The following GLRA3 variants were observed in gnomAD, a reference collection of about 807,000 sequenced individuals.
GLRA3 encodes the protein glycine receptor subunit alpha-3.
GLRA3 carries 44 observed loss-of-function variants against 60.4 expected under a neutral mutation model. The observed-to-expected ratio is 0.73, with a 90% CI of 0.57 to 0.94. GLRA3 has a LOEUF of 0.94. GLRA3 is among the 40% of genes least tolerant of loss of function. The pLI is 0.00. For synonymous variants in GLRA3, 223 were observed against 192.9 expected (o/e 1.16, Z -1.29); for missense variants, 508 against 564.6 (o/e 0.90, Z 1.02).
chr4:174,733,714 C>G (rs1368548862), intron 3 of GLRA3, among the ~76,000 whole-genome samples: 1 of 152,186 alleles, frequency 6.6e-6, no homozygotes, highest in Non-Finnish European at 1.5e-5. Context: ...AAGGCTGTGG[C>G]TTAAACTTTC....
rs887188705 is a variant in GLRA3, at chr4:174,637,499, A to G, written c.*6287T>C. On this transcript the variant is annotated 3_prime_UTR_variant, in exon 10 of 10. Transcript: ENST00000274093. ...AATTATTCAAGCATATTCAAGTACAATTTTACATCTGAATCCTTTCCTGCC... is the reference window on the plus strand; with the variant it reads ...AATTATTCAAGCATATTCAAGTACAGTTTTACATCTGAATCCTTTCCTGCC... 1.3e-5 allele frequency: 2 copies of G among 152,192 alleles called. No homozygotes were observed. The highest frequency in any genetic ancestry group is 4.8e-5 in the African/African-American group (2 of 41,456). 9.4% of individuals were successfully genotyped at this position (152,192 alleles called of 1,614,324 possible). A position where few individuals can be genotyped will look rare whatever the true frequency, so the allele number is the denominator to read the frequency against.
chr4:174,760,692 G>GT (rs1023891398), intron 3 of GLRA3, among the ~76,000 whole-genome samples: 58 of 152,156 alleles, frequency 3.8e-4, no homozygotes, highest in African/African-American at 1.3e-3. Context: ...GCTAATTCTT[G>GT]TTTTTTTAGT....
chr4:174,745,134 T>C (rs1177880993), intron 3 of GLRA3, among the ~76,000 whole-genome samples: 1 of 152,188 alleles, frequency 6.6e-6, no homozygotes, highest in Admixed American at 6.5e-5. Flanking sequence ...ACAAAATCTT[T>C]ATGATATGTG....
chr4:174,786,142 G>A (rs1739121938), intron 2 of GLRA3, among the ~76,000 whole-genome samples: 1 of 151,598 alleles, frequency 6.6e-6, no homozygotes, highest in Non-Finnish European at 1.5e-5. Context: ...CTCTAAACTT[G>A]CTTACTATTA....
chr4:174,658,913 G>T, intron 8 of GLRA3, 141 bp downstream of exon 8: 1 of 685,474 alleles, frequency 1.5e-6, no homozygotes. Context: ...CTTTTAGTTT[G>T]GATTGGAAAA....
At chr4:174,651,614 G>C (rs1225738952) in intron 9 of GLRA3, among the ~76,000 whole-genome samples, 1 of 151,958 alleles carries the variant, frequency 6.6e-6, no homozygotes, top group Non-Finnish European at 1.5e-5. Context: ...TGTAAAATAG[G>C]CCTACCCAGT....
chr4:174,739,923 C>T (rs1736948330), intron 3 of GLRA3, among the ~76,000 whole-genome samples: 1 of 152,160 alleles, frequency 6.6e-6, no homozygotes, highest in Non-Finnish European at 1.5e-5. Context: ...CCAGTGACTA[C>T]AATGTACTTC....
At chr4:174,711,341 T>G (rs1017498535) in intron 5 of GLRA3, among the ~76,000 whole-genome samples, 1 of 151,460 alleles carries the variant, frequency 6.6e-6, no homozygotes, top group African/African-American at 2.4e-5. Flanking sequence ...TCCAGTAAAT[T>G]GTTGATTTAT....
intron 5 of GLRA3, among the ~76,000 whole-genome samples, chr4:174,690,103 C>A (rs570316487): frequency 7.8e-4 from 118 of 152,246 alleles, no homozygotes; most frequent in African/African-American, 2.6e-3. Context: ...ATGCAGAAGA[C>A]AAATACCGCA....
intron 4 of GLRA3, among the ~76,000 whole-genome samples, chr4:174,725,014 C>T (rs1395017841): frequency 6.6e-6 from 1 of 152,222 alleles, no homozygotes; most frequent in Non-Finnish European, 1.5e-5. Flanking sequence ...TGTTTGGGAA[C>T]TCAACTTCTT....
chr4:174,737,513 T>A (rs574366577), intron 3 of GLRA3, among the ~76,000 whole-genome samples: 2 of 129,082 alleles, frequency 1.5e-5, no homozygotes, highest in East Asian at 2.1e-4. Flanking sequence ...TTTTTTGTGG[T>A]TTTTTGTTGT....
At chr4:174,734,758 A>T (rs1414802132) in intron 3 of GLRA3, among the ~76,000 whole-genome samples, 2 of 152,212 alleles carry the variant, frequency 1.3e-5, no homozygotes, top group African/African-American at 4.8e-5. Flanking sequence ...TTGAAAATTA[A>T]AATACTAGCA....
chr4:174,790,390 T>TAAA (rs369596370), intron 1 of GLRA3, among the ~76,000 whole-genome samples: 8 of 151,814 alleles, frequency 5.3e-5, no homozygotes, highest in East Asian at 3.9e-4. Flanking sequence ...TATATTTTTT[T>TAAA]AAAAAAACCT....
chr4:174,805,257 T>G (rs1030991495), intron 1 of GLRA3, among the ~76,000 whole-genome samples: 23 of 152,068 alleles, frequency 1.5e-4, no homozygotes, highest in African/African-American at 5.3e-4. Context: ...TTTTCTCAAA[T>G]TTTTTTGCAC....
At chr4:174,815,549 C>T (rs1440002328) in intron 1 of GLRA3, among the ~76,000 whole-genome samples, 1 of 152,206 alleles carries the variant, frequency 6.6e-6, no homozygotes, top group Non-Finnish European at 1.5e-5. Flanking sequence ...TCCATACATC[C>T]TCTGAAATCT....
intron 8 of GLRA3, among the ~76,000 whole-genome samples, chr4:174,658,009 G>A (rs1338771616): frequency 2.6e-5 from 4 of 152,100 alleles, no homozygotes; most frequent in Non-Finnish European, 5.9e-5. Flanking sequence ...GTAGATTCAA[G>A]CACTGAGAGG....
intron 4 of GLRA3, among the ~76,000 whole-genome samples, chr4:174,716,145 A>G (rs1340538118): frequency 6.6e-6 from 1 of 152,200 alleles, no homozygotes; most frequent in Non-Finnish European, 1.5e-5. Context: ...GTCAGTGAAC[A>G]TTCAGCAGTG....
At chr4:174,711,362 T>A (rs1194998070) in intron 5 of GLRA3, among the ~76,000 whole-genome samples, 1 of 151,242 alleles carries the variant, frequency 6.6e-6, no homozygotes, top group Non-Finnish European at 1.5e-5. Context: ...CTGTTTTTTA[T>A]GCAGTTCATC....
rs748547653 is a variant in GLRA3, at chr4:174,643,311, G to A, written c.*475C>T. ...TATGTACAATCCTCCATTAATATGAGTGAATTTCCCACTGTAACTAATTAT... is the reference window on the plus strand; with the variant it reads ...TATGTACAATCCTCCATTAATATGAATGAATTTCCCACTGTAACTAATTAT... On this transcript the variant is annotated 3_prime_UTR_variant, in exon 10 of 10. Coordinates refer to ENST00000274093, the MANE Select transcript of GLRA3 (RefSeq NM_006529.4). 66 of 609,748 alleles carry A rather than the reference G, an allele frequency of 1.1e-4. No individual in the cohort carries two copies. The highest frequency in any genetic ancestry group is 1.2e-4 in the Non-Finnish European group (64 of 523,182). 37.8% of individuals were successfully genotyped at this position (609,748 alleles called of 1,614,324 possible). A position where few individuals can be genotyped will look rare whatever the true frequency, so the allele number is the denominator to read the frequency against.
Sources: allele counts gnomAD v4.1 joint callset (sites outside exome capture counted in the v4.1 genomes callset), GRCh38; gene constraint gnomAD v4.1.1; transcripts MANE v1.5; gene names NCBI Gene and HGNC (gene_info 2026-07-23, HGNC 2026-07-21).